The following CTNND2 variants were observed in gnomAD, a reference collection of about 807,000 sequenced individuals.
CTNND2 encodes the protein catenin delta 2.
Under a neutral mutation model 144.4 loss-of-function variants are expected in CTNND2, and 22 were observed. The ratio of observed to expected loss-of-function variants is 0.15; its 90% CI spans 0.11 to 0.22. The LOEUF is 0.22. CTNND2 is among the 10% of genes least tolerant of loss of function. The pLI, the probability that CTNND2 is intolerant of heterozygous loss-of-function variation, is 1.00. For synonymous variants in CTNND2, 751 were observed against 695.6 expected, an observed-to-expected ratio of 1.08 and a Z score of -1.25; for missense variants, 1,353 against 1,618.8, an observed-to-expected ratio of 0.84 and a Z score of 2.82.
At chr5:11,537,605 T>C (rs983149635) in intron 3 of CTNND2, among the ~76,000 whole-genome samples, 14 of 152,274 alleles carry the variant, frequency 9.2e-5, no homozygotes, top group African/African-American at 2.9e-4. Context: ...TACCCTGCTT[T>C]TACATGGAAA....
At chr5:11,204,278 G>A (rs1737810468) in intron 10 of CTNND2, among the ~76,000 whole-genome samples, 2 of 152,026 alleles carry the variant, frequency 1.3e-5, no homozygotes, top group Non-Finnish European at 2.9e-5. Context: ...TAATCTCTGG[G>A]GAATGAACAC....
intron 2 of CTNND2, among the ~76,000 whole-genome samples, chr5:11,654,774 C>T (rs1339870829): frequency 1.3e-5 from 2 of 151,916 alleles, no homozygotes. Flanking sequence ...ACTTCTAGCC[C>T]TCTATGCTGA....
intron 3 of CTNND2, among the ~76,000 whole-genome samples, chr5:11,505,574 G>C (rs1035352424): frequency 1.3e-5 from 2 of 152,118 alleles, no homozygotes; most frequent in Non-Finnish European, 2.9e-5. Context: ...CCTACTGTCA[G>C]GTTGTAGAGC....
intron 1 of CTNND2, among the ~76,000 whole-genome samples, chr5:11,761,619 T>C (rs183397263): frequency 2.0e-5 from 3 of 152,296 alleles, no homozygotes; most frequent in South Asian, 4.1e-4. Context: ...ATTTGTATCA[T>C]AATATTTCAA....
At chr5:11,740,466 C>T (rs981025027) in intron 1 of CTNND2, among the ~76,000 whole-genome samples, 1 of 152,084 alleles carries the variant, frequency 6.6e-6, no homozygotes, top group African/African-American at 2.4e-5. Flanking sequence ...ATAAATGGTG[C>T]TGGGAAAACT....
intron 3 of CTNND2, among the ~76,000 whole-genome samples, chr5:11,520,669 TG>T (rs2150039655): frequency 6.6e-6 from 1 of 152,326 alleles, no homozygotes; most frequent in East Asian, 1.9e-4. Flanking sequence ...AGATTGGCCT[TG>T]AATTGTGGCC....
chr5:11,176,443 T>C (rs1203231052), intron 11 of CTNND2, among the ~76,000 whole-genome samples: 2 of 152,164 alleles, frequency 1.3e-5, no homozygotes, highest in African/African-American at 4.8e-5. Context: ...TCACACACTG[T>C]TTCCATGGCA....
chr5:11,879,356 T>TATATATATATATAC (rs904010417), intron 1 of CTNND2, among the ~76,000 whole-genome samples: 1 of 141,368 alleles, frequency 7.1e-6, no homozygotes, highest in Non-Finnish European at 1.6e-5. Flanking sequence ...TATATATATA[T>TATATATATATATAC]ACATATACAC....
At chr5:11,050,616 C>T (rs920166520) in intron 16 of CTNND2, among the ~76,000 whole-genome samples, 8 of 152,180 alleles carry the variant, frequency 5.3e-5, no homozygotes, top group Non-Finnish European at 1.0e-4. Flanking sequence ...TGCATAAAAA[C>T]AGAACTTTGA....
intron 2 of CTNND2, among the ~76,000 whole-genome samples, chr5:11,641,058 G>A (rs1487731956): frequency 6.6e-6 from 1 of 152,122 alleles, no homozygotes; most frequent in Non-Finnish European, 1.5e-5. Flanking sequence ...TGGGTTCCAG[G>A]TGTCAGGAAG....
intron 1 of CTNND2, among the ~76,000 whole-genome samples, chr5:11,861,192 T>TAA (rs764169854): frequency 6.6e-6 from 1 of 152,222 alleles, no homozygotes; most frequent in South Asian, 2.1e-4. Context: ...CAAAAAGTCT[T>TAA]AGAGTCCCAT....
At chr5:11,170,692 A>T (rs1044490588) in intron 11 of CTNND2, among the ~76,000 whole-genome samples, 10 of 152,200 alleles carry the variant, frequency 6.6e-5, no homozygotes, top group African/African-American at 2.2e-4. Flanking sequence ...TATTCACCAC[A>T]CTAATTTCAT....
At chr5:11,221,979 T>TAC (rs1270372067) in intron 10 of CTNND2, among the ~76,000 whole-genome samples, 2 of 152,182 alleles carry the variant, frequency 1.3e-5, no homozygotes, top group Non-Finnish European at 2.9e-5. Flanking sequence ...GTTCTTCAGG[T>TAC]ACAGGTCTTC....
chr5:11,676,448 T>A (rs1382525834), intron 2 of CTNND2, among the ~76,000 whole-genome samples: 1 of 151,806 alleles, frequency 6.6e-6, no homozygotes. Context: ...GCCAGTGGGG[T>A]GAAAGTCCGT....
At chr5:11,149,596 G>C (rs917172526) in intron 12 of CTNND2, among the ~76,000 whole-genome samples, 8 of 152,118 alleles carry the variant, frequency 5.3e-5, no homozygotes, top group Non-Finnish European at 1.5e-5. Flanking sequence ...CCAGTTTACT[G>C]CTTGTTAATG....
intron 1 of CTNND2, among the ~76,000 whole-genome samples, chr5:11,781,983 T>G (rs1313983570): frequency 6.6e-6 from 1 of 152,182 alleles, no homozygotes; most frequent in Non-Finnish European, 1.5e-5. Context: ...GCTCCCATAA[T>G]CCAACCACGT....
At chr5:11,146,428 T>C (rs1268298964) in intron 12 of CTNND2, among the ~76,000 whole-genome samples, 1 of 152,172 alleles carries the variant, frequency 6.6e-6, no homozygotes, top group Non-Finnish European at 1.5e-5. Flanking sequence ...CAGCTTCGAA[T>C]TTTGGTTTGT....
At chr5:11,743,768 G>T (rs1788153312) in intron 1 of CTNND2, among the ~76,000 whole-genome samples, 1 of 152,064 alleles carries the variant, frequency 6.6e-6, no homozygotes, top group East Asian at 1.9e-4. Flanking sequence ...TCTCAGTGTG[G>T]AGCTCATGTG....
intron 3 of CTNND2, among the ~76,000 whole-genome samples, chr5:11,514,211 AAT>A (rs1396318832): frequency 6.6e-6 from 1 of 152,086 alleles, no homozygotes; most frequent in Non-Finnish European, 1.5e-5. Flanking sequence ...AGAAAAAAAA[AAT>A]GTATGAACAT....
Sources: gnomAD v4.1 joint callset for allele counts (sites outside exome capture counted in the v4.1 genomes callset) on GRCh38, gnomAD v4.1.1 for gene constraint, MANE v1.5 for transcripts, NCBI Gene and HGNC (gene_info 2026-07-23, HGNC 2026-07-21) for gene names.